Variants in TADA2A observed in about 807,000 individuals in gnomAD.
The protein encoded by TADA2A is transcriptional adaptor 2A.
TADA2A carries 38 observed loss-of-function variants against 67.4 expected under a neutral mutation model. That is an observed-to-expected ratio of 0.56 (90% CI 0.44 to 0.74). The LOEUF is 0.74. TADA2A is among the 30% of genes least tolerant of loss of function. TADA2A has a pLI of 0.00. For missense variants in TADA2A, 454 were observed against 547.0 expected, an observed-to-expected ratio of 0.83 and a Z score of 1.70; for synonymous variants, 192 against 181.6, an observed-to-expected ratio of 1.06 and a Z score of -0.46.
chr17:37,434,910 GTTGAC>G (rs772224855), intron 4 of TADA2A, among the ~76,000 whole-genome samples: 1 of 152,186 alleles, frequency 6.6e-6, no homozygotes, highest in Non-Finnish European at 1.5e-5. Context: ...GTCTCTGGAA[GTTGAC>G]TTCTGAATTT....
intron 2 of TADA2A, among the ~76,000 whole-genome samples, chr17:37,421,773 CAG>C (rs2052238003): frequency 6.9e-6 from 1 of 145,454 alleles, no homozygotes; most frequent in Non-Finnish European, 1.5e-5. Flanking sequence ...GCCTAGGTGA[CAG>C]AGTGAGACCC....
intron 10 of TADA2A, among the ~76,000 whole-genome samples, chr17:37,463,650 A>ATTAT (rs1217706015): frequency 1.3e-5 from 2 of 151,418 alleles, no homozygotes; most frequent in Non-Finnish European, 3.0e-5. Context: ...TAGGTCCTTT[A>ATTAT]TTATTTATTT....
At chr17:37,426,053 C>T (rs934169870) in intron 3 of TADA2A, among the ~76,000 whole-genome samples, 5 of 152,002 alleles carry the variant, frequency 3.3e-5, no homozygotes, top group Admixed American at 2.6e-4. Flanking sequence ...TAGCTCACTG[C>T]AGCCTCGACC....
At chr17:37,407,093 G>A (rs2051575584) in intron 1 of TADA2A, 144 bp downstream of exon 1, 1 of 146,502 alleles carries the variant, frequency 6.8e-6, no homozygotes, top group South Asian at 1.8e-4. Context: ...GGCTTGACGC[G>A]GCAGGCTGGC....
intron 10 of TADA2A, among the ~76,000 whole-genome samples, chr17:37,462,493 G>A (rs557185584): frequency 7.9e-5 from 12 of 152,110 alleles, no homozygotes; most frequent in Non-Finnish European, 1.2e-4. Context: ...TTAGCCAGGC[G>A]TGGCGGCATG....
intron 3 of TADA2A, among the ~76,000 whole-genome samples, chr17:37,425,853 C>T (rs538537562): frequency 1.4e-5 from 2 of 147,134 alleles, no homozygotes; most frequent in South Asian, 4.3e-4. Context: ...GAAAGGGTCT[C>T]GCCTTGTTGC....
At chr17:37,464,697 G>A (rs2053622808) in intron 10 of TADA2A, among the ~76,000 whole-genome samples, 1 of 151,658 alleles carries the variant, frequency 6.6e-6, no homozygotes, top group South Asian at 2.1e-4. Context: ...AAAATTAGTC[G>A]AGCATGGCGG....
intron 7 of TADA2A, among the ~76,000 whole-genome samples, chr17:37,443,463 A>G (rs2052983398): frequency 2.0e-5 from 3 of 152,158 alleles, no homozygotes. Flanking sequence ...CATGTTGGCC[A>G]GGCTGGTCTC....
intron 5 of TADA2A, 89 bp from the exon 6 acceptor site, chr17:37,440,416 T>C: frequency 6.3e-6 from 9 of 1,437,844 alleles, no homozygotes; most frequent in Non-Finnish European, 8.5e-6. Context: ...TATATGGATG[T>C]GACTTAAAAT....
chr17:37,470,488 G>A lies in TADA2A; in HGVS notation c.984G>A (p.Gln328=). 1 of 1,603,592 alleles carries A rather than the reference G, an allele frequency of 6.2e-7. No homozygotes were observed. Among genetic ancestry groups the A allele is most frequent in the Non-Finnish European group, 8.5e-7 (1 of 1,176,696 alleles). The part of the protein sequence containing the change: ...TMLSEVLQYI[Q]DSSACQQWLR... Reference sequence around the variant, plus strand: ...TCTCAGAAGTTCTCCAGTATATCCAGGACAGTAGTGCTTGCCAGCAGTGGC... The same window carrying A: ...TCTCAGAAGTTCTCCAGTATATCCAAGACAGTAGTGCTTGCCAGCAGTGGC... Residue 328 remains glutamine, a synonymous_variant, in exon 13 of 16, where the codon CAG becomes CAA. Transcript: ENST00000615182.
intron 8 of TADA2A, among the ~76,000 whole-genome samples, chr17:37,457,176 C>CTTTTTTTTT (rs34125875): frequency 5.7e-5 from 6 of 105,970 alleles, no homozygotes; most frequent in African/African-American, 1.1e-4. Flanking sequence ...AATCATTATT[C>CTTTTTTTTT]TTTTTTTTTT....
At chr17:37,442,518 G>A (rs2052951256) in intron 6 of TADA2A, 46 bp from the exon 7 acceptor site, 1 of 1,429,502 alleles carries the variant, frequency 7.0e-7, no homozygotes, top group Non-Finnish European at 9.7e-7. Context: ...TTTTTTTCAT[G>A]CCAATATTGT....
At chr17:37,428,924 T>C (rs1016329638) in intron 4 of TADA2A, among the ~76,000 whole-genome samples, 2 of 151,304 alleles carry the variant, frequency 1.3e-5, no homozygotes, top group African/African-American at 4.9e-5. Context: ...TGGGCGCCTG[T>C]AGTCCCAGCT....
chr17:37,449,664 T>G (rs2053179245), intron 8 of TADA2A, among the ~76,000 whole-genome samples: 1 of 150,404 alleles, frequency 6.6e-6, no homozygotes, highest in Non-Finnish European at 1.5e-5. Context: ...CTGTTGCCCA[T>G]GCTGGAGTGC....
In TADA2A at chr17:37,426,663, CAG is replaced by C. The variant is rs1440932906; in HGVS notation, c.133-285_133-284del. The stretch of plus-strand genomic sequence containing the variant: ...TGGGTGAAAGAGCAAGACTCCGTCT[CAG>C]AAAAAAAAAAAAAAAAAAAAAAAAC... On this transcript the variant is annotated intron_variant, in intron 3 of 15. Transcript: ENST00000615182. 710 of 98,598 alleles carry C rather than the reference CAG, an allele frequency of 7.2e-3. 26 individuals are homozygous for C. Among genetic ancestry groups the C allele is most frequent in the African/African-American group, 0.03 (512 of 17,164 alleles). 6.1% of individuals were successfully genotyped at this position (98,598 alleles called of 1,614,324 possible). A position where few individuals can be genotyped will look rare whatever the true frequency, so the allele number is the denominator to read the frequency against.
intron 4 of TADA2A, among the ~76,000 whole-genome samples, chr17:37,432,504 A>G (rs561343084): frequency 1.1e-4 from 16 of 152,282 alleles, no homozygotes; most frequent in African/African-American, 3.4e-4. Context: ...CATGTTGTGT[A>G]TGTTACTGGT....
chr17:37,439,279 T>TTAG (rs1184105825), intron 5 of TADA2A, among the ~76,000 whole-genome samples: 2 of 151,520 alleles, frequency 1.3e-5, no homozygotes, highest in Admixed American at 1.3e-4. Flanking sequence ...TTTTTAAATT[T>TTAG]TATTATTATT....
At chr17:37,446,659 TC>T (rs367899635) in intron 8 of TADA2A, among the ~76,000 whole-genome samples, 15 of 152,100 alleles carry the variant, frequency 9.9e-5, no homozygotes, top group African/African-American at 3.6e-4. Context: ...CTCCTCCTCC[TC>T]CCTGCTTTTT....
chr17:37,459,958 C>T (rs1163027898), intron 9 of TADA2A, among the ~76,000 whole-genome samples: 2 of 150,468 alleles, frequency 1.3e-5, no homozygotes, highest in Admixed American at 6.6e-5. Context: ...CCAAGCTACT[C>T]GGGAGGCTGA....
Sources: allele counts gnomAD v4.1 joint callset (sites outside exome capture counted in the v4.1 genomes callset), GRCh38; gene constraint gnomAD v4.1.1; transcripts MANE v1.5; gene names NCBI Gene and HGNC (gene_info 2026-07-23, HGNC 2026-07-21).